Variants in DLG1 observed in about 807,000 individuals in gnomAD.
DLG1 encodes the protein disks large homolog 1.
DLG1 carries 42 observed loss-of-function variants against 123.4 expected under a neutral mutation model. The observed-to-expected ratio is 0.34, with a 90% CI of 0.27 to 0.44. DLG1 has a LOEUF of 0.44. Among genes scored for constraint, DLG1 ranks in the 20% least tolerant of loss-of-function variants. The pLI is 1.00. For missense variants in DLG1, 942 were observed against 1,082.6 expected (o/e 0.87, Z 1.82); for synonymous variants, 317 against 356.2 (o/e 0.89, Z 1.24).
chr3:197,065,500 A>T, intron 21 of DLG1, 52 bp from the exon 22 acceptor site: 1 of 1,439,462 alleles, frequency 6.9e-7, no homozygotes, highest in Non-Finnish European at 9.4e-7. Flanking sequence ...AAAAAACCAC[A>T]ATAAATCCAT....
At position 197,194,193 on chromosome 3, in the gene DLG1, T is replaced by G. The variant is rs370518363; in HGVS notation, c.483+232A>C. On this transcript the variant is annotated intron_variant, in intron 5 of 24. Transcript: ENST00000667157. ...TAATAGTTATTTCCATCGTGGGAAT[T>G]TTTAGACTTAAAGATAGCATCACTG... 8.6e-4 allele frequency: 234 copies of G among 271,330 alleles called. 2 individuals are homozygous for G. Among genetic ancestry groups the G allele is most frequent in the African/African-American group, 4.6e-3 (212 of 45,668 alleles). 16.8% of individuals were successfully genotyped at this position (271,330 alleles called of 1,614,324 possible).
intron 5 of DLG1, among the ~76,000 whole-genome samples, chr3:197,169,137 A>G (rs1425799958): frequency 1.1e-4 from 17 of 152,194 alleles, no homozygotes; most frequent in Admixed American, 1.0e-3. Flanking sequence ...CACTCACTAC[A>G]TACAGCCATT....
chr3:197,274,623 A>G (rs1383622020), intron 4 of DLG1, among the ~76,000 whole-genome samples: 1 of 152,208 alleles, frequency 6.6e-6, no homozygotes. Context: ...AAATAGGTAA[A>G]TGAGATAACA....
intron 5 of DLG1, among the ~76,000 whole-genome samples, chr3:197,192,050 T>C (rs1240026545): frequency 6.6e-6 from 1 of 151,724 alleles, no homozygotes; most frequent in Non-Finnish European, 1.5e-5. Flanking sequence ...GGCATGTGCC[T>C]GTAGACCCAG....
At chr3:197,085,832 A>T (rs1434346860) in intron 15 of DLG1, 76 bp from the exon 16 acceptor site, 39 of 1,398,004 alleles carry the variant, frequency 2.8e-5, no homozygotes, top group Non-Finnish European at 3.5e-5. Flanking sequence ...CTGAAAGTAT[A>T]TGTAATTTGG....
At chr3:197,127,956 TATA>T (rs1028881388) in intron 11 of DLG1, among the ~76,000 whole-genome samples, 4 of 152,266 alleles carry the variant, frequency 2.6e-5, no homozygotes, top group East Asian at 1.9e-4. Flanking sequence ...TTCAGCAAGT[TATA>T]ATGTTTTTGC....
chr3:197,237,289 G>A (rs567558634), intron 4 of DLG1, among the ~76,000 whole-genome samples: 3 of 152,254 alleles, frequency 2.0e-5, no homozygotes, highest in Non-Finnish European at 4.4e-5. Flanking sequence ...GGAAGACACG[G>A]CAGTCAGTCC....
chr3:197,282,638 G>A lies in DLG1; in HGVS notation c.318+41C>T, dbSNP rs762113103. The A allele has an allele frequency of 1.6e-5, 22 of 1,351,542 alleles. No homozygotes were observed. The African/African-American group carries it at 3.3e-4, about 20-fold the overall frequency. 83.7% of individuals were successfully genotyped at this position (1,351,542 alleles called of 1,614,324 possible). A position where few individuals can be genotyped will look rare whatever the true frequency, so the allele number is the denominator to read the frequency against. On this transcript the variant is annotated intron_variant, in intron 4 of 24. Transcript: ENST00000667157. ...AGAAACATAGTAACATAAATAAATT[G>A]ATCACCAAAAAACAGCTTCAGAACA... is the stretch of plus-strand genomic sequence containing the variant.
intron 5 of DLG1, among the ~76,000 whole-genome samples, chr3:197,161,458 A>G (rs1286925978): frequency 1.3e-5 from 2 of 152,206 alleles, no homozygotes; most frequent in Non-Finnish European, 2.9e-5. Context: ...ACCTAATAAA[A>G]TGGCAAATCC....
chr3:197,191,824 A>C (rs1179628003), intron 5 of DLG1, among the ~76,000 whole-genome samples: 3 of 152,216 alleles, frequency 2.0e-5, no homozygotes, highest in Admixed American at 2.0e-4. Context: ...AGGAAGAGAA[A>C]CAATTTTTAA....
rs115873588 is a variant in DLG1, at chr3:197,267,502, T to C, written c.318+15177A>G. 5.2e-3 allele frequency among the ~76,000 whole-genome samples: 797 copies of C among 152,232 alleles called. 6 individuals are homozygous for C. Among genetic ancestry groups the C allele is most frequent in the African/African-American group, 0.017 (708 of 41,558 alleles). On this transcript the variant is annotated intron_variant, in intron 4 of 24. Coordinates refer to ENST00000667157, the MANE Select transcript of DLG1 (RefSeq NM_001366207.1). The stretch of plus-strand genomic sequence containing the variant: ...AAAGACAGGGGGAGAAAGCACTTCT[T>C]AGTAGGACCCTATAGCATTCCTTCT...
chr3:197,085,569 A>T lies in DLG1; in HGVS notation c.1838+11T>A, dbSNP rs1019782188. On this transcript the variant is annotated intron_variant, in intron 16 of 24. Coordinates refer to ENST00000667157, the MANE Select transcript of DLG1 (RefSeq NM_001366207.1). ...GTTGCCTCACATTCAAGTGGTAAGA[A>T]ACAGGCATACCTGCGTTTACTGGGA... 3 of 1,613,582 alleles carry T rather than the reference A, an allele frequency of 1.9e-6. No individual in the cohort carries two copies. The highest frequency in any genetic ancestry group is 2.5e-6 in the Non-Finnish European group (3 of 1,179,784).
intron 18 of DLG1, among the ~76,000 whole-genome samples, chr3:197,073,367 G>C (rs900633963): frequency 1.8e-4 from 27 of 152,260 alleles, no homozygotes; most frequent in Middle Eastern, 3.4e-3. Flanking sequence ...CAAATCTTAT[G>C]TCATAATTTT....
intron 13 of DLG1, among the ~76,000 whole-genome samples, chr3:197,114,591 C>T (rs907150673): frequency 6.6e-6 from 1 of 152,214 alleles, no homozygotes; most frequent in African/African-American, 2.4e-5. Context: ...AGGGCTTGCA[C>T]ACTAAGGTGC....
At chr3:197,184,513 A>T (rs73210538) in intron 5 of DLG1, among the ~76,000 whole-genome samples, 20,661 of 152,200 alleles carry the variant, frequency 0.14, 1,771 homozygotes, top group South Asian at 0.35. Context: ...CTATCTAACG[A>T]TAGCGCTTCA....
chr3:197,087,694 A>G (rs981924222), intron 15 of DLG1, among the ~76,000 whole-genome samples: 1 of 152,218 alleles, frequency 6.6e-6, no homozygotes, highest in African/African-American at 2.4e-5. Context: ...GAAAGAAGCT[A>G]TAAATGGAGT....
chr3:197,108,977 T>C (rs191130509), intron 13 of DLG1, among the ~76,000 whole-genome samples: 1 of 152,370 alleles, frequency 6.6e-6, no homozygotes, highest in African/African-American at 2.4e-5. Context: ...TATTTCCTAG[T>C]GTACCATTTT....
intron 17 of DLG1, among the ~76,000 whole-genome samples, chr3:197,078,689 C>T (rs1039353922): frequency 8.6e-5 from 13 of 152,032 alleles, no homozygotes; most frequent in African/African-American, 1.9e-4. Context: ...AGGAGATAGA[C>T]GAGAAAGTGT....
At chr3:197,160,238 GA>G (rs1030043737) in intron 5 of DLG1, among the ~76,000 whole-genome samples, 1 of 151,986 alleles carries the variant, frequency 6.6e-6, no homozygotes, top group African/African-American at 2.4e-5. Context: ...AGAGAATTCT[GA>G]ATAGGAAAAG....
Sources: gnomAD v4.1 joint callset for allele counts (sites outside exome capture counted in the v4.1 genomes callset) on GRCh38, gnomAD v4.1.1 for gene constraint, MANE v1.5 for transcripts, NCBI Gene and HGNC (gene_info 2026-07-23, HGNC 2026-07-21) for gene names.